The following PRMT8 variants were observed in gnomAD, a reference collection of about 807,000 sequenced individuals.
PRMT8 encodes protein arginine methyltransferase 8.
Under a neutral mutation model 47.1 loss-of-function variants are expected in PRMT8, and 7 were observed. That is an observed-to-expected ratio of 0.15 (90% CI 0.08 to 0.28). The LOEUF is 0.28. Among genes scored for constraint, PRMT8 ranks in the 10% least tolerant of loss-of-function variants. The pLI is 1.00. For missense variants in PRMT8, 237 were observed against 505.4 expected, an observed-to-expected ratio of 0.47 and a Z score of 5.09; for synonymous variants, 188 against 186.5, an observed-to-expected ratio of 1.01 and a Z score of -0.07.
In PRMT8 at chr12:3,508,149, T is replaced by G. The variant is rs7303822; in HGVS notation, c.75+16449T>G. Among the ~76,000 whole-genome samples, 2,414 of 152,324 alleles carry G rather than the reference T, an allele frequency of 0.016. 43 individuals are homozygous for G. Among genetic ancestry groups the G allele is most frequent in the East Asian group, 0.08 (414 of 5,188 alleles). ...TCTTACTGTTACAACTTTAAGATTT[T>G]TTTCTGCCCAGTTGTTGTTTCACTT... On this transcript the variant is annotated intron_variant, in intron 1 of 9. Coordinates refer to ENST00000382622, the MANE Select transcript of PRMT8 (RefSeq NM_019854.5). The surrounding 1 kb of genome is among the most constrained non-coding windows in gnomAD (Gnocchi z 4.9).
intron 1 of PRMT8, among the ~76,000 whole-genome samples, chr12:3,450,705 A>G (rs992246532): frequency 9.2e-5 from 14 of 152,332 alleles, no homozygotes; most frequent in Middle Eastern, 6.8e-3. Flanking sequence ...CCTCAAGACA[A>G]CTATCATGCT....
chr12:3,512,226 G>C (rs1370635249), intron 1 of PRMT8, among the ~76,000 whole-genome samples: 2 of 152,114 alleles, frequency 1.3e-5, no homozygotes, highest in Non-Finnish European at 2.9e-5. Flanking sequence ...TCTAAGCTCT[G>C]CTTTCTCCTG....
intron 1 of PRMT8, among the ~76,000 whole-genome samples, chr12:3,466,670 AC>A (rs1457410309): frequency 6.6e-6 from 1 of 152,208 alleles, no homozygotes; most frequent in Non-Finnish European, 1.5e-5. Flanking sequence ...ACAGCTAGTG[AC>A]ATTATCTTGT....
chr12:3,553,728 C>T lies in PRMT8; in HGVS notation c.481+14C>T, dbSNP rs1301147996. On this transcript the variant is annotated intron_variant, in intron 4 of 9. Coordinates refer to ENST00000382622, the MANE Select transcript of PRMT8 (RefSeq NM_019854.5). Reference sequence around the variant, plus strand: ...ACTTGGACAACAGTAAGACATACCTCTGAGTGTTTTCTCCTGGATGGAGGG... The same window carrying T: ...ACTTGGACAACAGTAAGACATACCTTTGAGTGTTTTCTCCTGGATGGAGGG... 2 of 1,568,248 alleles carry T rather than the reference C, an allele frequency of 1.3e-6. No individual in the cohort carries two copies. The highest frequency in any genetic ancestry group is 1.8e-6 in the Non-Finnish European group (2 of 1,138,536).
At position 3,569,421 on chromosome 12, in the gene PRMT8, A is replaced by G. The variant is rs889660236; in HGVS notation, c.625-56A>G. 3 of 1,422,418 alleles carry G rather than the reference A, an allele frequency of 2.1e-6. No homozygotes were observed. In the Admixed American group the frequency reaches 5.0e-5, roughly 24 times the overall value. 88.1% of individuals were successfully genotyped at this position (1,422,418 alleles called of 1,614,324 possible). On this transcript the variant is annotated intron_variant, in intron 5 of 9. Transcript: ENST00000382622. The surrounding 1 kb of genome is among the most constrained non-coding windows in gnomAD (Gnocchi z 8.2). ...GACTCTATGTGCAGTTCAAAATGTG[A>G]TGTCTTTGTCAGGTGAATAGATTAC...
At chr12:3,386,723 C>CT (rs1194966862) in intron 1 of PRMT8, among the ~76,000 whole-genome samples, 1 of 150,436 alleles carries the variant, frequency 6.6e-6, no homozygotes, top group African/African-American at 2.4e-5. Context: ...TTCTTTCTTT[C>CT]TTTTTTTATG....
In PRMT8 at chr12:3,533,375, C is replaced by G. The variant is rs1386738844; in HGVS notation, c.76-7231C>G. ...AAGCTTGTCCAACCTGCAGCCTGCA[C>G]ACCGCCCAGGATGGCTTTGAATGTG... On this transcript the variant is annotated intron_variant, in intron 1 of 9. Coordinates refer to ENST00000382622, the MANE Select transcript of PRMT8 (RefSeq NM_019854.5). Among the ~76,000 whole-genome samples the G allele has an allele frequency of 2.0e-5, 3 of 152,364 alleles. No homozygotes were observed. The East Asian group carries it at 5.8e-4, about 29-fold the overall frequency.
chr12:3,545,154 A>G (rs999301474), intron 2 of PRMT8, among the ~76,000 whole-genome samples: 2 of 152,226 alleles, frequency 1.3e-5, no homozygotes, highest in Non-Finnish European at 2.9e-5. Context: ...AGGTGATGTT[A>G]TTACCAGTTT....
At chr12:3,465,168 TA>T (rs1865082615) in intron 1 of PRMT8, among the ~76,000 whole-genome samples, 2 of 143,618 alleles carry the variant, frequency 1.4e-5, no homozygotes, top group African/African-American at 5.1e-5. Flanking sequence ...TAAAAAAATA[TA>T]TATTTATATA....
chr12:3,589,830 G>A (rs895144185), intron 8 of PRMT8, among the ~76,000 whole-genome samples: 4 of 152,188 alleles, frequency 2.6e-5, no homozygotes, highest in Non-Finnish European at 5.9e-5. Flanking sequence ...AAGTCTCTGG[G>A]GGTCTCATAA....
intron 4 of PRMT8, among the ~76,000 whole-genome samples, chr12:3,563,414 C>G (rs1197283314): frequency 6.6e-6 from 1 of 151,886 alleles, no homozygotes; most frequent in Non-Finnish European, 1.5e-5. Flanking sequence ...AAGCGACCAC[C>G]CTGAGGCTTC....
chr12:3,422,225 CTGAGGTGTCAGCT>C (rs1864549700), intron 1 of PRMT8, among the ~76,000 whole-genome samples: 1 of 152,194 alleles, frequency 6.6e-6, no homozygotes, highest in African/African-American at 2.4e-5. Flanking sequence ...CCACCAGCCT[CTGAGGTGTCAGCT>C]CCACCTGCCA....
At chr12:3,397,869 T>C (rs979958031) in intron 1 of PRMT8, among the ~76,000 whole-genome samples, 1 of 152,214 alleles carries the variant, frequency 6.6e-6, no homozygotes, top group African/African-American at 2.4e-5. Context: ...CGAGACTCCA[T>C]GGGCGTAGGA....
At chr12:3,517,595 C>T (rs376855592) in intron 1 of PRMT8, among the ~76,000 whole-genome samples, 107 of 152,178 alleles carry the variant, frequency 7.0e-4, no homozygotes, top group African/African-American at 2.0e-3. Flanking sequence ...AAGAAACCTC[C>T]GGTAAGCGGG....
At chr12:3,560,101 A>T (rs1298340855) in intron 4 of PRMT8, among the ~76,000 whole-genome samples, 2 of 152,224 alleles carry the variant, frequency 1.3e-5, no homozygotes, top group East Asian at 3.9e-4. Context: ...GGTTTGCAAC[A>T]GGTGGGTAGA....
chr12:3,411,762 T>C (rs1864433276), intron 1 of PRMT8, among the ~76,000 whole-genome samples: 1 of 152,244 alleles, frequency 6.6e-6, no homozygotes, highest in African/African-American at 2.4e-5. Context: ...AGATCTGAGC[T>C]GGCACGCTCT....
intron 6 of PRMT8, among the ~76,000 whole-genome samples, chr12:3,575,818 A>C (rs1866931240): frequency 6.6e-6 from 1 of 152,330 alleles, no homozygotes; most frequent in East Asian, 1.9e-4. Flanking sequence ...CAGGAGTTCA[A>C]GACCAGCCTG....
intron 1 of PRMT8, among the ~76,000 whole-genome samples, chr12:3,418,744 G>A (rs1055696221): frequency 1.4e-5 from 2 of 147,738 alleles, no homozygotes; most frequent in Non-Finnish European, 3.0e-5. Context: ...CATGGCTGGA[G>A]CAGACCCAGG....
At chr12:3,516,703 T>A (rs1430097877) in intron 1 of PRMT8, among the ~76,000 whole-genome samples, 1 of 152,178 alleles carries the variant, frequency 6.6e-6, no homozygotes, top group Non-Finnish European at 1.5e-5. Flanking sequence ...ACAAAGGGCC[T>A]TGATTTGGCC....
Sources: allele counts gnomAD v4.1 joint callset (sites outside exome capture counted in the v4.1 genomes callset), GRCh38; gene constraint gnomAD v4.1.1; non-coding constraint Gnocchi (gnomAD v3.1); transcripts MANE v1.5; gene names NCBI Gene and HGNC (gene_info 2026-07-23, HGNC 2026-07-21).